BTBD8: variants seen among roughly 807,000 people sequenced by gnomAD.
The protein encoded by BTBD8 is BTB domain containing 8, also known as BTB/POZ domain-containing protein 8.
In BTBD8, 110 loss-of-function variants were observed where a neutral mutation model predicts 162.9. The ratio of observed to expected loss-of-function variants is 0.68; its 90% CI spans 0.58 to 0.79. BTBD8 has a LOEUF of 0.79. Ranked by LOEUF, BTBD8 falls within the 30% of genes least tolerant of loss-of-function variation. The pLI is 0.00. For missense variants in BTBD8, 1,905 were observed against 2,085.4 expected, an observed-to-expected ratio of 0.91 and a Z score of 1.68; for synonymous variants, 667 against 716.1, an observed-to-expected ratio of 0.93 and a Z score of 1.10.
chr1:92,107,860 T>C, intron 3 of BTBD8, 24 bp from the exon 4 acceptor site: 1 of 1,568,198 alleles, frequency 6.4e-7, no homozygotes. Flanking sequence ...AACTATTTTT[T>C]AGTCTTGTTT....
chr1:92,183,822 A>G (rs1237628064), intron 17 of BTBD8, 42 bp from the exon 18 acceptor site: 3 of 1,370,692 alleles, frequency 2.2e-6, no homozygotes, highest in Non-Finnish European at 2.0e-6. Context: ...GAGGGTACCA[A>G]CGTGCAATTT....
chr1:92,166,873 A>G, intron 9 of BTBD8, 85 bp from the exon 10 acceptor site: 1 of 1,360,626 alleles, frequency 7.3e-7, no homozygotes, highest in Non-Finnish European at 9.8e-7. Flanking sequence ...AACATCCCAT[A>G]ACAACAAAAG....
chr1:92,180,489 G>A lies in BTBD8; in HGVS notation c.2806G>A (p.Asp936Asn). 6.5e-7 allele frequency: 1 copy of A among 1,550,368 alleles called. No individual in the cohort carries two copies. Among genetic ancestry groups the A allele is most frequent in the Non-Finnish European group, 8.7e-7 (1 of 1,146,604 alleles). Residue 936 changes from aspartate to asparagine, a missense_variant, in exon 17 of 18, where the codon GAT becomes AAT. This residue lies in a region of BTBD8 where 1,374 missense variants were observed against 1,442.7 expected (regional missense o/e 0.95). Coordinates refer to ENST00000636805, the MANE Select transcript of BTBD8 (RefSeq NM_001376131.1). ...GAAAGGTGAAACTTTGAATAATAAA[G>A]ATTCAAAACAGAAAATGCCTCCTGG... ...SKKGETLNNK[D>N]SKQKMPPGQV...
At chr1:92,109,460 A>G (rs554342333) in intron 4 of BTBD8, among the ~76,000 whole-genome samples, 129 of 152,242 alleles carry the variant, frequency 8.5e-4, no homozygotes, top group Non-Finnish European at 1.6e-3. Flanking sequence ...GTGCTGCCTG[A>G]CAATGAACTA....
chr1:92,093,546 G>C (rs1455199160), intron 2 of BTBD8, among the ~76,000 whole-genome samples: 1 of 152,102 alleles, frequency 6.6e-6, no homozygotes, highest in Non-Finnish European at 1.5e-5. Context: ...ATAGAGAGTT[G>C]TTATAAGAAC....
chr1:92,171,917 C>A (rs1650557481), intron 13 of BTBD8, among the ~76,000 whole-genome samples: 2 of 152,120 alleles, frequency 1.3e-5, no homozygotes, highest in South Asian at 4.2e-4. Flanking sequence ...ATGGTGAAAC[C>A]CCATCTTTAC....
rs1327218936 is a variant in BTBD8 at position 92,177,281 on chromosome 1, C to G, written c.2088C>G (p.Leu696=). ...TTTCAGGTGCCAGACCCAAGGTACT[C>G]ACAGGAAACTTAAATGTGCAAGCCA... ...GQISGARPKV[L]TGNLNVQAKA... Residue 696 remains leucine, a synonymous_variant, in exon 14 of 18, where the codon CTC becomes CTG. Transcript: ENST00000636805. 41 of 1,551,952 alleles carry G rather than the reference C, an allele frequency of 2.6e-5. No individual in the cohort carries two copies. Among genetic ancestry groups the G allele is most frequent in the Non-Finnish European group, 3.3e-5 (38 of 1,147,086 alleles).
chr1:92,082,857 A>C (rs1315312224), intron 1 of BTBD8, among the ~76,000 whole-genome samples: 1 of 152,176 alleles, frequency 6.6e-6, no homozygotes, highest in Non-Finnish European at 1.5e-5. Context: ...TAAAAAAAAA[A>C]CACTAATACT....
At position 92,107,878 on chromosome 1, in the gene BTBD8, T is replaced by A; in HGVS notation, c.545-6T>A. 2 of 1,597,220 alleles carry A rather than the reference T, an allele frequency of 1.3e-6. No individual in the cohort carries two copies. Among genetic ancestry groups the A allele is most frequent in the Non-Finnish European group, 1.7e-6 (2 of 1,174,110 alleles). ...TATTTTTTAGTCTTGTTTTTCTTTT[T>A]TAAAGATAATTATGACTTGGAGCCT... is the stretch of plus-strand genomic sequence containing the variant. On this transcript the variant is annotated splice_region_variant and splice_polypyrimidine_tract_variant and intron_variant, in intron 3 of 17. Transcript: ENST00000636805.
chr1:92,179,365 A>C (rs894806215), intron 16 of BTBD8, among the ~76,000 whole-genome samples: 3 of 152,196 alleles, frequency 2.0e-5, no homozygotes, highest in African/African-American at 7.2e-5. Flanking sequence ...AGTGTTCTGA[A>C]AACGAAAAGA....
chr1:92,154,037 A>G (rs1453811406), intron 9 of BTBD8, among the ~76,000 whole-genome samples: 1 of 152,094 alleles, frequency 6.6e-6, no homozygotes, highest in Non-Finnish European at 1.5e-5. Context: ...AGTAGTTCAC[A>G]TGAGATCTGG....
chr1:92,154,134 C>T (rs1394861527), intron 9 of BTBD8, among the ~76,000 whole-genome samples: 1 of 152,144 alleles, frequency 6.6e-6, no homozygotes, highest in African/African-American at 2.4e-5. Context: ...CGTTACCTTC[C>T]ACTATGATTG....
rs933589967 is a variant in BTBD8, at chr1:92,120,441, CT to C, written c.663-9237del. Among the ~76,000 whole-genome samples the C allele has an allele frequency of 2.5e-4, 38 of 151,330 alleles. No homozygotes were observed. In the East Asian group the frequency reaches 5.4e-3, roughly 22 times the overall value. ...CTGCCTGAGGCTATTTAACAGTTAA[CT>C]TTTTTTTTATATGTAAGTAGGAGTA... On this transcript the variant is annotated intron_variant, in intron 4 of 17. Coordinates refer to ENST00000636805, the MANE Select transcript of BTBD8 (RefSeq NM_001376131.1).
chr1:92,110,450 C>A (rs1648856914), intron 4 of BTBD8, among the ~76,000 whole-genome samples: 1 of 152,206 alleles, frequency 6.6e-6, no homozygotes. Context: ...ATTGGGCTTA[C>A]TACCTGATTA....
At chr1:92,102,782 G>A (rs1228172404) in intron 3 of BTBD8, 113 bp downstream of exon 3, 5 of 1,029,784 alleles carry the variant, frequency 4.9e-6, no homozygotes, top group Non-Finnish European at 6.5e-6. Context: ...TTTTTAATAA[G>A]CATGGAGAAC....
intron 12 of BTBD8, among the ~76,000 whole-genome samples, chr1:92,170,875 C>T (rs112002457): frequency 1.7e-5 from 2 of 118,730 alleles, no homozygotes; most frequent in African/African-American, 6.7e-5. Context: ...TTTGAAGATT[C>T]TTATTTTATT....
intron 9 of BTBD8, among the ~76,000 whole-genome samples, chr1:92,158,356 G>T (rs1650206754): frequency 9.6e-6 from 1 of 103,826 alleles, no homozygotes; most frequent in East Asian, 3.9e-4. Flanking sequence ...TCTTAATATT[G>T]ATATACTAAA....
chr1:92,115,088 G>T, intron 4 of BTBD8: 1 of 423,470 alleles, frequency 2.4e-6, no homozygotes, highest in Non-Finnish European at 4.6e-6. Flanking sequence ...TGACTAACAT[G>T]TTGGCAGTGG....
chr1:92,080,578 C>A lies in BTBD8; in HGVS notation c.7C>A (p.Arg3Ser), dbSNP rs758844023. MARCGEGSAAPMV... is the reference protein window; with the variant it reads MASCGEGSAAPMV... ...CGTCGTACCTCTGTGAGACATGGCT[C>A]GCTGTGGGGAAGGCAGTGCGGCCCC... Residue 3 changes from arginine to serine, a missense_variant, in exon 1 of 18, where the codon CGC (arginine) becomes AGC (serine). By Grantham distance (110) the Arg-to-Ser change is moderately radical. Coordinates refer to ENST00000636805, the MANE Select transcript of BTBD8 (RefSeq NM_001376131.1). 25 of 1,613,906 alleles carry A rather than the reference C, an allele frequency of 1.5e-5. No individual in the cohort carries two copies. Among genetic ancestry groups the A allele is most frequent in the Non-Finnish European group, 2.0e-5 (24 of 1,179,906 alleles).
Sources: gnomAD v4.1 joint callset for allele counts (sites outside exome capture counted in the v4.1 genomes callset) on GRCh38, gnomAD v4.1.1 for gene constraint, gnomAD v4.1.1 regional missense constraint, MANE v1.5 for transcripts, NCBI Gene and HGNC (gene_info 2026-07-23, HGNC 2026-07-21) for gene names.